Variants in ADAMTS3 observed in about 807,000 individuals in gnomAD.
ADAMTS3 encodes the protein ADAM metallopeptidase with thrombospondin type 1 motif 3, also known as A disintegrin and metalloproteinase with thrombospondin motifs 3.
Under a neutral mutation model 129.0 loss-of-function variants are expected in ADAMTS3, and 73 were observed. That is an observed-to-expected ratio of 0.57 (90% CI 0.47 to 0.69). The LOEUF (loss-of-function observed/expected upper bound fraction) is 0.69, where lower values mean the gene tolerates loss of function less well. Ranked by LOEUF, ADAMTS3 falls within the 30% of genes least tolerant of loss-of-function variation. The pLI is 0.00. For synonymous variants in ADAMTS3, 477 were observed against 510.8 expected (o/e 0.93, Z 0.89); for missense variants, 1,457 against 1,514.5 (o/e 0.96, Z 0.63).
At chr4:72,411,661 T>C (rs947533649) in intron 4 of ADAMTS3, among the ~76,000 whole-genome samples, 2 of 152,104 alleles carry the variant, frequency 1.3e-5, no homozygotes, top group African/African-American at 2.4e-5. Context: ...ATACACCATT[T>C]TGAAAATTCA....
At chr4:72,355,208 T>TAAAA (rs57820434) in intron 4 of ADAMTS3, among the ~76,000 whole-genome samples, 2 of 147,006 alleles carry the variant, frequency 1.4e-5, no homozygotes, top group African/African-American at 5.0e-5. Context: ...AAATAATAAC[T>TAAAA]AAAAAAAAAA....
chr4:72,386,657 G>A, intron 4 of ADAMTS3, among the ~76,000 whole-genome samples: 1 of 152,170 alleles, frequency 6.6e-6, no homozygotes, highest in East Asian at 1.9e-4. Flanking sequence ...AACACACAGA[G>A]CACCATTGCA....
chr4:72,304,311 G>C (rs1482451358), intron 16 of ADAMTS3, among the ~76,000 whole-genome samples: 1 of 151,996 alleles, frequency 6.6e-6, no homozygotes, highest in Non-Finnish European at 1.5e-5. Flanking sequence ...TGGTTAAATA[G>C]GCAAAAATAA....
At chr4:72,383,999 A>G (rs916366998) in intron 4 of ADAMTS3, among the ~76,000 whole-genome samples, 5 of 151,460 alleles carry the variant, frequency 3.3e-5, no homozygotes, top group Non-Finnish European at 7.4e-5. Context: ...AATACTGAAT[A>G]CTAATAATAC....
chr4:72,528,521 TAAA>T (rs11324929), intron 3 of ADAMTS3, among the ~76,000 whole-genome samples: 1 of 89,668 alleles, frequency 1.1e-5, no homozygotes, highest in African/African-American at 3.1e-5. Context: ...AAGTGAAAAC[TAAA>T]AAAAAAAAAA....
At chr4:72,563,905 C>T (rs1721963220) in intron 2 of ADAMTS3, among the ~76,000 whole-genome samples, 1 of 152,196 alleles carries the variant, frequency 6.6e-6, no homozygotes, top group South Asian at 2.1e-4. Flanking sequence ...AGTCTTTGCT[C>T]TCATGAGGGT....
intron 17 of ADAMTS3, among the ~76,000 whole-genome samples, chr4:72,301,226 CA>C (rs112313502): frequency 1.3e-5 from 2 of 150,536 alleles, no homozygotes; most frequent in Admixed American, 6.6e-5. Context: ...CTGGATTAGA[CA>C]AAAAAAAATT....
intron 4 of ADAMTS3, among the ~76,000 whole-genome samples, chr4:72,399,552 C>CTA (rs1367460635): frequency 6.6e-6 from 1 of 152,074 alleles, no homozygotes; most frequent in African/African-American, 2.4e-5. Flanking sequence ...AGGTACTGTG[C>CTA]TAGACCCTTG....
At chr4:72,443,990 A>G (rs1217101531) in intron 3 of ADAMTS3, among the ~76,000 whole-genome samples, 2 of 151,702 alleles carry the variant, frequency 1.3e-5, no homozygotes, top group Non-Finnish European at 3.0e-5. Flanking sequence ...ACAAGTAATC[A>G]CCATAGTGAA....
At chr4:72,295,187 G>C (rs1718773011) in intron 19 of ADAMTS3, among the ~76,000 whole-genome samples, 1 of 152,016 alleles carries the variant, frequency 6.6e-6, no homozygotes, top group Admixed American at 6.6e-5. Flanking sequence ...TATTAAGAGA[G>C]ATACATGTTA....
chr4:72,419,666 T>C (rs1722395336), intron 3 of ADAMTS3, among the ~76,000 whole-genome samples: 1 of 152,196 alleles, frequency 6.6e-6, no homozygotes. Flanking sequence ...GTATTTTATG[T>C]GTGGCCCCAG....
intron 2 of ADAMTS3, among the ~76,000 whole-genome samples, chr4:72,561,504 C>CA (rs952852771): frequency 1.8e-4 from 24 of 132,724 alleles, no homozygotes; most frequent in African/African-American, 3.9e-4. Flanking sequence ...GACCCTGTCT[C>CA]AAAAAAAAAA....
intron 3 of ADAMTS3, among the ~76,000 whole-genome samples, chr4:72,468,136 T>A (rs548859397): frequency 6.6e-6 from 1 of 152,104 alleles, no homozygotes; most frequent in East Asian, 1.9e-4. Context: ...ACATTCTTCA[T>A]TGTATATCTA....
chr4:72,514,658 T>C (rs1188434719), intron 3 of ADAMTS3, among the ~76,000 whole-genome samples: 2 of 152,250 alleles, frequency 1.3e-5, no homozygotes, highest in Admixed American at 1.3e-4. Flanking sequence ...GTAAACTTTT[T>C]GAGAGTAAGC....
chr4:72,445,959 C>T (rs897706531), intron 3 of ADAMTS3, among the ~76,000 whole-genome samples: 7 of 151,622 alleles, frequency 4.6e-5, no homozygotes, highest in African/African-American at 1.7e-4. Context: ...ACATAGTAGC[C>T]AGGATGCTTT....
At chr4:72,315,735 G>A (rs928107972) in intron 11 of ADAMTS3, 123 bp downstream of exon 11, 35 of 617,726 alleles carry the variant, frequency 5.7e-5, no homozygotes, top group Admixed American at 3.3e-5. Context: ...CTTTAATAAA[G>A]CCTTGCATAC....
chr4:72,508,809 C>A (rs1426248406), intron 3 of ADAMTS3, among the ~76,000 whole-genome samples: 1 of 152,008 alleles, frequency 6.6e-6, no homozygotes, highest in African/African-American at 2.4e-5. Context: ...ATTTACAGAA[C>A]ATTTCATCCA....
chr4:72,525,792 T>C (rs1258776646), intron 3 of ADAMTS3, among the ~76,000 whole-genome samples: 1 of 152,138 alleles, frequency 6.6e-6, no homozygotes, highest in Admixed American at 6.6e-5. Flanking sequence ...CTTAAGTGAT[T>C]TGATCTAAGC....
At chr4:72,515,885 G>A (rs1353348284) in intron 3 of ADAMTS3, among the ~76,000 whole-genome samples, 1 of 152,244 alleles carries the variant, frequency 6.6e-6, no homozygotes, top group East Asian at 1.9e-4. Flanking sequence ...CATTGCTTTT[G>A]GTGTTTTAGA....
Sources: gnomAD v4.1 joint callset for allele counts (sites outside exome capture counted in the v4.1 genomes callset) on GRCh38, gnomAD v4.1.1 for gene constraint, MANE v1.5 for transcripts, NCBI Gene and HGNC (gene_info 2026-07-23, HGNC 2026-07-21) for gene names.